The following OSBPL10 variants were observed in gnomAD, a reference collection of about 807,000 sequenced individuals.
The protein encoded by OSBPL10 is oxysterol-binding protein-related protein 10.
A neutral mutation model predicts 81.7 loss-of-function variants in OSBPL10; 49 were observed. The observed-to-expected ratio is 0.60, with a 90% confidence interval of 0.48 to 0.76. The LOEUF (loss-of-function observed/expected upper bound fraction) is 0.76. Among genes scored for constraint, OSBPL10 ranks in the 30% least tolerant of loss-of-function variants. The probability of loss-of-function intolerance (pLI) is 0.00; values close to 1 mark genes in which losing one functional copy is unlikely to be tolerated. For missense variants in OSBPL10, 923 were observed against 987.8 expected (o/e 0.93, Z 0.88); for synonymous variants, 419 against 383.6 (o/e 1.09, Z -1.08).
chr3:31,723,669 C>A (rs557303129), intron 6 of OSBPL10, among the ~76,000 whole-genome samples: 89 of 152,064 alleles, frequency 5.9e-4, no homozygotes, highest in African/African-American at 2.1e-3. Flanking sequence ...ATGCATAGAG[C>A]CATAAGCCAT....
intron 8 of OSBPL10, among the ~76,000 whole-genome samples, chr3:31,676,924 G>A (rs1182892438): frequency 6.6e-6 from 1 of 152,206 alleles, no homozygotes; most frequent in Non-Finnish European, 1.5e-5. Flanking sequence ...GAGGGTGGGA[G>A]AAAGGGGTGC....
intron 3 of OSBPL10, among the ~76,000 whole-genome samples, chr3:31,831,620 G>A (rs532273456): frequency 3.9e-5 from 6 of 152,164 alleles, no homozygotes; most frequent in African/African-American, 1.4e-4. Context: ...AATATAAATG[G>A]CTTTTAACAC....
rs142973155 is a variant in OSBPL10 at position 31,892,147 on chromosome 3, G to A, written c.282-12317C>T. ...ACTGAGATCTGAGGTGTGAAGAAAT[G>A]GACTCGGGGAAGAGGAGAGGAGAGA... On this transcript the variant is annotated intron_variant, in intron 1 of 11. Transcript: ENST00000396556. Among the ~76,000 whole-genome samples, 9 of 152,114 alleles carry A rather than the reference G, an allele frequency of 5.9e-5. No homozygotes were observed. In the East Asian group the frequency reaches 1.2e-3, roughly 20 times the overall value.
Position 31,974,696 on chromosome 3 carries a change from G to A in OSBPL10, c.281+6203C>T, listed in dbSNP as rs535728997. Among the ~76,000 whole-genome samples, 125 of 152,310 alleles carry A rather than the reference G, an allele frequency of 8.2e-4. No individual in the cohort carries two copies. In the South Asian group the frequency reaches 9.5e-3, roughly 12 times the overall value. On this transcript the variant is annotated intron_variant, in intron 1 of 11. Coordinates refer to ENST00000396556, the MANE Select transcript of OSBPL10 (RefSeq NM_017784.5). ...GGAGACCAAACAACTCAGTGGTGTT[G>A]AGGTCAGAATAGCAGTTACCGTATG...
chr3:31,962,061 T>C (rs1195184234), intron 1 of OSBPL10, among the ~76,000 whole-genome samples: 1 of 152,104 alleles, frequency 6.6e-6, no homozygotes, highest in East Asian at 1.9e-4. Context: ...CTCAAGCAAT[T>C]CACCTGCCTC....
At chr3:31,931,480 A>G (rs1235904806) in intron 1 of OSBPL10, among the ~76,000 whole-genome samples, 3 of 151,852 alleles carry the variant, frequency 2.0e-5, no homozygotes, top group Admixed American at 6.6e-5. Flanking sequence ...ACCAGATTCA[A>G]CTCCCTTTAA....
At chr3:31,803,702 G>A (rs1271778709) in intron 4 of OSBPL10, among the ~76,000 whole-genome samples, 9 of 151,994 alleles carry the variant, frequency 5.9e-5, no homozygotes, top group Admixed American at 2.6e-4. Context: ...GATCCAAACC[G>A]GGATCCCATG....
chr3:31,663,360 A>G, intron 11 of OSBPL10: 2 of 985,778 alleles, frequency 2.0e-6, no homozygotes, highest in South Asian at 4.7e-5. Flanking sequence ...CCTGCTCTTC[A>G]TTGATGTTGC....
At chr3:31,708,471 T>A (rs150460772) in intron 6 of OSBPL10, among the ~76,000 whole-genome samples, 1 of 152,160 alleles carries the variant, frequency 6.6e-6, no homozygotes, top group Non-Finnish European at 1.5e-5. Flanking sequence ...CATCTGAAGA[T>A]CCAGTCCGAC....
chr3:31,990,964 A>C, intron 2 of OSBPL10: 1 of 1,574,974 alleles, frequency 6.3e-7, no homozygotes, highest in Admixed American at 1.9e-5. Flanking sequence ...TAAGCGTGGC[A>C]AGGTCTTCAG....
At chr3:31,747,777 G>A in intron 5 of OSBPL10, 133 bp downstream of exon 5, 1 of 909,528 alleles carries the variant, frequency 1.1e-6, no homozygotes, top group Non-Finnish European at 1.7e-6. Flanking sequence ...ACGAAGGGCA[G>A]TAGAAATACT....
Position 31,956,977 on chromosome 3 carries a change from A to G in OSBPL10, c.281+23922T>C, listed in dbSNP as rs146682445. ...GTGAAACCCCATCTCTATAAAAAAT[A>G]CAAAAAAGTTATCTGGATGTGGTGG... On this transcript the variant is annotated intron_variant, in intron 1 of 11. Transcript: ENST00000396556. 2.4e-3 allele frequency among the ~76,000 whole-genome samples: 358 copies of G among 151,144 alleles called. 1 individual carries two copies. The highest frequency in any genetic ancestry group is 3.2e-3 in the Non-Finnish European group (220 of 67,840).
chr3:31,691,934 G>A (rs911188067), intron 7 of OSBPL10, among the ~76,000 whole-genome samples: 9 of 152,054 alleles, frequency 5.9e-5, no homozygotes, highest in African/African-American at 1.9e-4. Flanking sequence ...AATTCACACT[G>A]CAAAAGGTTT....
intron 4 of OSBPL10, among the ~76,000 whole-genome samples, chr3:31,776,701 A>G (rs1250550724): frequency 1.3e-5 from 2 of 152,250 alleles, no homozygotes; most frequent in Non-Finnish European, 2.9e-5. Context: ...AAAAAGTCAT[A>G]AATTCTATGA....
chr3:31,824,382 C>T (rs568861716), intron 4 of OSBPL10, among the ~76,000 whole-genome samples: 28 of 152,088 alleles, frequency 1.8e-4, no homozygotes, highest in Non-Finnish European at 4.4e-5. Context: ...AGCGCCTTGA[C>T]GTGAGTCTCT....
chr3:32,072,478 A>G (rs972932895), intron 1 of OSBPL10, among the ~76,000 whole-genome samples: 1 of 152,182 alleles, frequency 6.6e-6, no homozygotes, highest in African/African-American at 2.4e-5. Context: ...TTCTTGGACC[A>G]AGGAAAATAT....
chr3:31,936,021 A>AC (rs1697373148), intron 1 of OSBPL10, among the ~76,000 whole-genome samples: 1 of 151,768 alleles, frequency 6.6e-6, no homozygotes, highest in Non-Finnish European at 1.5e-5. Context: ...GTTGGGCCAT[A>AC]CCCCCTTCTC....
At chr3:31,662,280 G>T in intron 11 of OSBPL10, 164 bp from the exon 12 acceptor site, 2 of 1,398,460 alleles carry the variant, frequency 1.4e-6, no homozygotes. Context: ...CTGCTCTTTG[G>T]AGATCTAGAT....
At chr3:31,682,892 T>A (rs1700687652) in intron 8 of OSBPL10, among the ~76,000 whole-genome samples, 1 of 151,964 alleles carries the variant, frequency 6.6e-6, no homozygotes, top group Non-Finnish European at 1.5e-5. Context: ...TCTCATGGGG[T>A]TTTGGAAGGG....
Sources: gnomAD v4.1 joint callset for allele counts (sites outside exome capture counted in the v4.1 genomes callset) on GRCh38, gnomAD v4.1.1 for gene constraint, MANE v1.5 for transcripts, NCBI Gene and HGNC (gene_info 2026-07-23, HGNC 2026-07-21) for gene names.